Variants in PCDH15 observed in about 807,000 individuals in gnomAD.
PCDH15 encodes protocadherin related 15, also known as protocadherin-15.
A neutral mutation model predicts 178.5 loss-of-function variants in PCDH15; 129 were observed. That is an observed-to-expected ratio of 0.72 (90% CI 0.63 to 0.84). The LOEUF is 0.84. Among genes scored for constraint, PCDH15 ranks in the 40% least tolerant of loss-of-function variants. PCDH15 has a pLI of 0.00. For synonymous variants in PCDH15, 800 were observed against 732.0 expected (o/e 1.09, Z -1.50); for missense variants, 2,230 against 2,099.9 (o/e 1.06, Z -1.21).
chr10:54,117,296 C>T (rs983084068), intron 15 of PCDH15, among the ~76,000 whole-genome samples: 1 of 152,046 alleles, frequency 6.6e-6, no homozygotes, highest in African/African-American at 2.4e-5. Flanking sequence ...CCATGTAAGC[C>T]TGTGGTTGGA....
At chr10:54,558,735 A>C (rs1337531584) in intron 2 of PCDH15, among the ~76,000 whole-genome samples, 2 of 152,108 alleles carry the variant, frequency 1.3e-5, no homozygotes, top group Non-Finnish European at 2.9e-5. Context: ...GTATTTCTCC[A>C]TCATTTACTG....
chr10:53,906,804 T>TA, intron 25 of PCDH15: 1 of 150,656 alleles, frequency 6.6e-6, no homozygotes, highest in Middle Eastern at 3.4e-3. Context: ...TATTCCTCTT[T>TA]TTTTTTTTTT....
In PCDH15 at chr10:54,889,500, G is replaced by GATATATATATATATATATATAT. The variant is rs397688090; in HGVS notation, c.-29+7949_-29+7950insATATATATATATATATATATAT. Among the ~76,000 whole-genome samples the GATATATATATATATATATATAT allele has an allele frequency of 5.5e-3, 781 of 141,782 alleles. 4 individuals carry two copies. Among genetic ancestry groups the GATATATATATATATATATATAT allele is most frequent in the East Asian group, 0.016 (79 of 4,824 alleles). 93.0% of individuals were successfully genotyped at this position (141,782 alleles called of 152,430 possible). On this transcript the variant is annotated intron_variant, in intron 3 of 5. Transcript: ENST00000458638. Reference sequence around the variant, plus strand: ...AGTATTTTGAATAGCTAATTGTGAAGATATATATATATATATATGATCTAT... The same window carrying GATATATATATATATATATATAT: ...AGTATTTTGAATAGCTAATTGTGAAGATATATATATATATATATATATATATATATATATATATATGATCTAT...
intron 33 of PCDH15, among the ~76,000 whole-genome samples, chr10:53,819,260 C>T (rs189185187): frequency 3.9e-4 from 59 of 152,018 alleles, no homozygotes; most frequent in Middle Eastern, 3.4e-3. Context: ...ATTTTTTAGA[C>T]GATTTCTTCT....
At chr10:55,267,073 G>A (rs1423196810) in intron 1 of PCDH15, among the ~76,000 whole-genome samples, 2 of 151,856 alleles carry the variant, frequency 1.3e-5, no homozygotes, top group Non-Finnish European at 2.9e-5. Flanking sequence ...GAGGACAGAG[G>A]AACTTTTCCC....
At chr10:55,529,039 C>A (rs945263253) in intron 2 of PCDH15, among the ~76,000 whole-genome samples, 7 of 151,996 alleles carry the variant, frequency 4.6e-5, no homozygotes, top group Non-Finnish European at 1.0e-4. Flanking sequence ...TGAGAAGTGT[C>A]TGTTCATATC....
intron 3 of PCDH15, among the ~76,000 whole-genome samples, chr10:54,847,322 T>A (rs2131760136): frequency 6.6e-6 from 1 of 152,318 alleles, no homozygotes; most frequent in Non-Finnish European, 1.5e-5. Flanking sequence ...TTTAGAATGT[T>A]ACTTTGAGGT....
intron 2 of PCDH15, among the ~76,000 whole-genome samples, chr10:54,998,977 T>C (rs1839722046): frequency 6.6e-6 from 1 of 152,186 alleles, no homozygotes. Flanking sequence ...TTCCTGTTTA[T>C]TTTGTTTTGC....
At chr10:53,863,909 T>C (rs1290881417) in intron 27 of PCDH15, among the ~76,000 whole-genome samples, 1 of 152,124 alleles carries the variant, frequency 6.6e-6, no homozygotes, top group Non-Finnish European at 1.5e-5. Context: ...GTAAATTTAG[T>C]GGCAGGAGTC....
At chr10:54,080,669 T>A (rs542758218) in intron 16 of PCDH15, among the ~76,000 whole-genome samples, 43 of 152,302 alleles carry the variant, frequency 2.8e-4, no homozygotes, top group African/African-American at 1.0e-3. Flanking sequence ...TTGCTTATTA[T>A]GTTGTAATGG....
At chr10:55,479,206 A>C (rs1267069949) in intron 2 of PCDH15, among the ~76,000 whole-genome samples, 1 of 151,532 alleles carries the variant, frequency 6.6e-6, no homozygotes, top group Non-Finnish European at 1.5e-5. Context: ...AACTTCAGAC[A>C]AATAAACCTG....
At chr10:55,043,743 A>T (rs1023900236) in intron 2 of PCDH15, among the ~76,000 whole-genome samples, 10 of 144,180 alleles carry the variant, frequency 6.9e-5, no homozygotes, top group Non-Finnish European at 1.2e-4. Flanking sequence ...AATAAATAAA[A>T]TAAATAAATA....
chr10:53,983,362 GA>G (rs202119695), intron 21 of PCDH15, among the ~76,000 whole-genome samples: 12,118 of 131,546 alleles, frequency 0.092, 1,416 homozygotes, highest in African/African-American at 0.28. Flanking sequence ...AAAAGAGAAA[GA>G]AAAAAAAAAA....
intron 25 of PCDH15, among the ~76,000 whole-genome samples, chr10:53,912,660 G>A (rs1224152674): frequency 6.6e-6 from 1 of 151,336 alleles, no homozygotes; most frequent in Non-Finnish European, 1.5e-5. Context: ...AACAGACAAA[G>A]ACCCAAATCA....
At chr10:54,402,424 T>C (rs1352723659) in intron 3 of PCDH15, among the ~76,000 whole-genome samples, 1 of 152,012 alleles carries the variant, frequency 6.6e-6, no homozygotes, top group Non-Finnish European at 1.5e-5. Flanking sequence ...AGAAACAGCA[T>C]GATCGTTTAT....
At chr10:54,561,492 T>G (rs1196387576) in intron 2 of PCDH15, among the ~76,000 whole-genome samples, 1 of 152,168 alleles carries the variant, frequency 6.6e-6, no homozygotes, top group Admixed American at 6.5e-5. Context: ...TTGTCAGATT[T>G]AATCAAATTC....
chr10:54,807,807 C>CTGAATTA (rs1318128275), intron 3 of PCDH15, among the ~76,000 whole-genome samples: 1 of 150,438 alleles, frequency 6.6e-6, no homozygotes, highest in Non-Finnish European at 1.5e-5. Flanking sequence ...TAGGTAATGA[C>CTGAATTA]TGAATTATTT....
At chr10:54,372,035 A>T (rs944203594) in intron 4 of PCDH15, among the ~76,000 whole-genome samples, 1 of 151,818 alleles carries the variant, frequency 6.6e-6, no homozygotes, top group Admixed American at 6.6e-5. Flanking sequence ...CATTTTTACT[A>T]CCAGCTTTCA....
intron 1 of PCDH15, among the ~76,000 whole-genome samples, chr10:54,694,424 A>G (rs182452833): frequency 1.3e-5 from 2 of 152,234 alleles, no homozygotes; most frequent in Admixed American, 6.6e-5. Flanking sequence ...AGAACAATAC[A>G]GGCATACCTT....
Sources: allele counts gnomAD v4.1 joint callset (sites outside exome capture counted in the v4.1 genomes callset), GRCh38; gene constraint gnomAD v4.1.1; transcripts MANE v1.5; gene names NCBI Gene and HGNC (gene_info 2026-07-23, HGNC 2026-07-21).